KIF13B: variants seen among roughly 807,000 people sequenced by gnomAD.
KIF13B encodes kinesin family member 13B, also known as kinesin-like protein KIF13B.
Under a neutral mutation model 222.0 loss-of-function variants are expected in KIF13B, and 127 were observed. That is an observed-to-expected ratio of 0.57 (90% confidence interval 0.50 to 0.66). The LOEUF is 0.66. Among genes scored for constraint, KIF13B ranks in the 30% least tolerant of loss-of-function variants. The pLI is 0.00. For missense variants in KIF13B, 2,173 were observed against 2,379.0 expected (o/e 0.91, Z 1.80); for synonymous variants, 976 against 919.0 (o/e 1.06, Z -1.12).
At chr8:29,171,529 A>G (rs1159145187) in intron 10 of KIF13B, among the ~76,000 whole-genome samples, 4 of 152,186 alleles carry the variant, frequency 2.6e-5, no homozygotes, top group Non-Finnish European at 5.9e-5. Flanking sequence ...GCCCATGTCA[A>G]ACTAGGATCT....
chr8:29,103,377 C>A (rs918527651), intron 35 of KIF13B, among the ~76,000 whole-genome samples: 1 of 152,074 alleles, frequency 6.6e-6, no homozygotes, highest in African/African-American at 2.4e-5. Flanking sequence ...CGCCGAAATT[C>A]ATCCTGCACC....
chr8:29,164,664 G>A (rs1445276574), intron 12 of KIF13B, among the ~76,000 whole-genome samples: 1 of 152,170 alleles, frequency 6.6e-6, no homozygotes, highest in African/African-American at 2.4e-5. Context: ...GGAGTTGTCT[G>A]ATTATGAAAA....
chr8:29,158,041 C>T (rs920228732), intron 13 of KIF13B, among the ~76,000 whole-genome samples: 6 of 152,172 alleles, frequency 3.9e-5, no homozygotes, highest in Non-Finnish European at 7.4e-5. Flanking sequence ...GAGCCTATTT[C>T]CATCCTACTG....
chr8:29,220,769 G>C (rs1463904802), intron 2 of KIF13B, among the ~76,000 whole-genome samples: 1 of 152,036 alleles, frequency 6.6e-6, no homozygotes, highest in Admixed American at 6.6e-5. Context: ...TCATAATGTT[G>C]GTAAGAAAAG....
Position 29,254,300 on chromosome 8 carries a change from C to A in KIF13B, c.55+8680G>T, listed in dbSNP as rs115641650. ...GGTTTCTCAGAAATCACAGCAAAATCACAAGCAACTAAAAATAAACTGGAC... is the reference window on the plus strand; with the variant it reads ...GGTTTCTCAGAAATCACAGCAAAATAACAAGCAACTAAAAATAAACTGGAC... On this transcript the variant is annotated intron_variant, in intron 1 of 39. Transcript: ENST00000524189. 9.7e-3 allele frequency among the ~76,000 whole-genome samples: 1,475 copies of A among 152,272 alleles called. 27 individuals carry two copies. Among genetic ancestry groups the A allele is most frequent in the African/African-American group, 0.033 (1,374 of 41,526 alleles).
At chr8:29,238,449 T>C (rs1173116215) in intron 2 of KIF13B, among the ~76,000 whole-genome samples, 2 of 152,176 alleles carry the variant, frequency 1.3e-5, no homozygotes, top group Non-Finnish European at 1.5e-5. Context: ...AGGTACTCAT[T>C]AATTACCTAA....
At chr8:29,177,847 T>C (rs572864360) in intron 8 of KIF13B, among the ~76,000 whole-genome samples, 1 of 152,342 alleles carries the variant, frequency 6.6e-6, no homozygotes, top group Admixed American at 6.5e-5. Flanking sequence ...AGTTCCAGGC[T>C]ACAGTGAGCT....
rs113394111 is a variant in KIF13B at position 29,153,992 on chromosome 8, T to C, written c.1535+1734A>G. 6.5e-3 allele frequency among the ~76,000 whole-genome samples: 988 copies of C among 152,342 alleles called. 13 individuals are homozygous for C. Among genetic ancestry groups the C allele is most frequent in the African/African-American group, 0.022 (901 of 41,574 alleles). ...TTATTTCCTATCTAGATTTCTTTCATGATGCAGGTTTTTACACACTAAAAG... is the reference window on the plus strand; with the variant it reads ...TTATTTCCTATCTAGATTTCTTTCACGATGCAGGTTTTTACACACTAAAAG... On this transcript the variant is annotated intron_variant, in intron 14 of 39. Transcript: ENST00000524189.
intron 13 of KIF13B, 114 bp from the exon 14 acceptor site, chr8:29,155,970 A>G (rs1024724641): frequency 7.8e-6 from 6 of 766,392 alleles, no homozygotes; most frequent in East Asian, 5.8e-5. Flanking sequence ...AATTTTTTTT[A>G]TTTTTATTTT....
chr8:29,228,892 T>C (rs1284355516), intron 2 of KIF13B, among the ~76,000 whole-genome samples: 1 of 151,976 alleles, frequency 6.6e-6, no homozygotes, highest in Non-Finnish European at 1.5e-5. Flanking sequence ...ACGGCTTAGA[T>C]CAGTTCATAA....
intron 2 of KIF13B, among the ~76,000 whole-genome samples, chr8:29,198,357 T>C (rs982315567): frequency 1.3e-5 from 2 of 152,184 alleles, no homozygotes; most frequent in Non-Finnish European, 2.9e-5. Flanking sequence ...TTTTCACTCT[T>C]GTGGCCCAGG....
chr8:29,224,243 T>C (rs1347390655), intron 2 of KIF13B, among the ~76,000 whole-genome samples: 1 of 151,604 alleles, frequency 6.6e-6, no homozygotes, highest in African/African-American at 2.4e-5. Flanking sequence ...GACCTCGTGA[T>C]CCACCTGCCT....
chr8:29,206,766 G>A (rs189861363), intron 2 of KIF13B, among the ~76,000 whole-genome samples: 27 of 152,326 alleles, frequency 1.8e-4, no homozygotes, highest in African/African-American at 6.5e-4. Context: ...TAGAATGAAT[G>A]AGTGAATGAA....
At chr8:29,224,402 A>C (rs1468648497) in intron 2 of KIF13B, among the ~76,000 whole-genome samples, 1 of 152,180 alleles carries the variant, frequency 6.6e-6, no homozygotes, top group Non-Finnish European at 1.5e-5. Flanking sequence ...ATGGTGGCTT[A>C]TTTATTATTA....
chr8:29,209,808 A>C (rs1459502776), intron 2 of KIF13B, among the ~76,000 whole-genome samples: 1 of 148,080 alleles, frequency 6.8e-6, no homozygotes, highest in African/African-American at 2.5e-5. Context: ...TCCCAACACT[A>C]TGGGAGGCTG....
chr8:29,121,965 AAAG>A (rs1809880180), intron 29 of KIF13B, among the ~76,000 whole-genome samples: 1 of 152,206 alleles, frequency 6.6e-6, no homozygotes, highest in Non-Finnish European at 1.5e-5. Flanking sequence ...CCCAAGAGTT[AAAG>A]AAGAAGCCGG....
intron 38 of KIF13B, among the ~76,000 whole-genome samples, chr8:29,074,512 A>T (rs1563679386): frequency 6.6e-6 from 1 of 152,190 alleles, no homozygotes; most frequent in Non-Finnish European, 1.5e-5. Context: ...AGCTTGGAAA[A>T]CCACCATGAT....
At chr8:29,188,059 T>A (rs534078896) in intron 5 of KIF13B, among the ~76,000 whole-genome samples, 26 of 152,368 alleles carry the variant, frequency 1.7e-4, no homozygotes, top group African/African-American at 6.0e-4. Flanking sequence ...TTGGACAAGC[T>A]GTATACTTTA....
intron 31 of KIF13B, among the ~76,000 whole-genome samples, chr8:29,115,360 CTT>C (rs1313562610): frequency 1.3e-5 from 2 of 148,256 alleles, no homozygotes; most frequent in Non-Finnish European, 3.0e-5. Context: ...GAGTTTCACT[CTT>C]GTTGCCCAGG....
Sources: gnomAD v4.1 joint callset for allele counts (sites outside exome capture counted in the v4.1 genomes callset) on GRCh38, gnomAD v4.1.1 for gene constraint, MANE v1.5 for transcripts, NCBI Gene and HGNC (gene_info 2026-07-23, HGNC 2026-07-21) for gene names.